Variants in LGR6 observed in about 807,000 individuals in gnomAD.
LGR6 encodes leucine rich repeat containing G protein-coupled receptor 6.
Under a neutral mutation model 69.4 loss-of-function variants are expected in LGR6, and 45 were observed. The ratio of observed to expected loss-of-function variants is 0.65; its 90% CI spans 0.51 to 0.83. LGR6 has a LOEUF of 0.83. Among genes scored for constraint, LGR6 ranks in the 40% least tolerant of loss-of-function variants. The pLI is 0.00. For synonymous variants in LGR6, 538 were observed against 555.0 expected (o/e 0.97, Z 0.43); for missense variants, 1,108 against 1,246.7 (o/e 0.89, Z 1.68).
intron 4 of LGR6, 179 bp from the exon 5 acceptor site, chr1:202,276,127 A>T: frequency 1.7e-6 from 1 of 585,198 alleles, no homozygotes; most frequent in Non-Finnish European, 3.1e-6. Flanking sequence ...ATGGGTTGGA[A>T]TGGAGCCAAA....
At chr1:202,262,506 T>G in intron 4 of LGR6, among the ~76,000 whole-genome samples, 1 of 151,708 alleles carries the variant, frequency 6.6e-6, no homozygotes, top group African/African-American at 2.4e-5. Flanking sequence ...GTAGTATAGT[T>G]TGAAGTCAGG....
intron 4 of LGR6, among the ~76,000 whole-genome samples, chr1:202,243,229 G>T (rs1352600390): frequency 2.6e-5 from 4 of 152,182 alleles, no homozygotes; most frequent in Non-Finnish European, 5.9e-5. Context: ...ACCTTGGGTT[G>T]TGAGCTCAGC....
At chr1:202,197,068 T>C (rs1159383148) in intron 1 of LGR6, 1 of 533,278 alleles carries the variant, frequency 1.9e-6, no homozygotes, top group Middle Eastern at 3.2e-4. Context: ...GAAGAAGCCA[T>C]AGACAGAACT....
chr1:202,221,544 G>A (rs181878186), intron 1 of LGR6, among the ~76,000 whole-genome samples: 1 of 152,294 alleles, frequency 6.6e-6, no homozygotes, highest in East Asian at 1.9e-4. Flanking sequence ...GTGTCCAGTT[G>A]AGAGGACTCA....
intron 4 of LGR6, among the ~76,000 whole-genome samples, chr1:202,269,869 C>T (rs888290184): frequency 2.0e-5 from 3 of 152,162 alleles, no homozygotes; most frequent in Admixed American, 6.5e-5. Flanking sequence ...ACTCAGGGAG[C>T]GGGTACTATG....
chr1:202,222,724 A>G (rs1230271008), intron 1 of LGR6, among the ~76,000 whole-genome samples: 2 of 152,164 alleles, frequency 1.3e-5, no homozygotes, highest in Non-Finnish European at 2.9e-5. Context: ...GACACTGTCC[A>G]GTGTGCTCCT....
intron 1 of LGR6, among the ~76,000 whole-genome samples, chr1:202,209,672 A>G (rs1659386736): frequency 6.6e-6 from 1 of 152,268 alleles, no homozygotes; most frequent in South Asian, 2.1e-4. Flanking sequence ...GGTTTATTCT[A>G]TGGATTCCCT....
chr1:202,237,184 C>A (rs1661643029), intron 4 of LGR6, among the ~76,000 whole-genome samples: 1 of 152,126 alleles, frequency 6.6e-6, no homozygotes, highest in South Asian at 2.1e-4. Context: ...TCAGCTTCTG[C>A]CCCCCCTTCC....
chr1:202,253,270 A>AC (rs1393176007), intron 4 of LGR6, among the ~76,000 whole-genome samples: 2 of 152,082 alleles, frequency 1.3e-5, no homozygotes, highest in Non-Finnish European at 2.9e-5. Context: ...AATGCCAGGT[A>AC]CATCCTGAGT....
At chr1:202,279,929 T>C (rs772424660) in intron 5 of LGR6, among the ~76,000 whole-genome samples, 6 of 152,240 alleles carry the variant, frequency 3.9e-5, no homozygotes, top group Admixed American at 6.5e-5. Flanking sequence ...CTTAAGAACA[T>C]TCATCTTTGA....
In LGR6 at chr1:202,215,347, G is replaced by A. The variant is rs77022419; in HGVS notation, c.213-10076G>A. 3.2e-3 allele frequency among the ~76,000 whole-genome samples: 483 copies of A among 152,254 alleles called. 2 individuals carry two copies. The highest frequency in any genetic ancestry group is 0.019 in the South Asian group (93 of 4,822). ...GTTCCTCTTCTGGTGGCCCTGGCTG[G>A]GAGCTCAGGGATTTCCATGCGAGGA... On this transcript the variant is annotated intron_variant, in intron 1 of 17. Transcript: ENST00000367278.
At chr1:202,211,347 G>A (rs544878694) in intron 1 of LGR6, among the ~76,000 whole-genome samples, 2 of 152,292 alleles carry the variant, frequency 1.3e-5, no homozygotes, top group South Asian at 4.1e-4. Flanking sequence ...TGAGGTTCAC[G>A]AAGACTTTCA....
chr1:202,273,180 T>C (rs1322350165), intron 4 of LGR6, among the ~76,000 whole-genome samples: 1 of 152,206 alleles, frequency 6.6e-6, no homozygotes, highest in Non-Finnish European at 1.5e-5. Context: ...CAGGACACGG[T>C]ACCTGGTATT....
chr1:202,310,249 A>G lies in LGR6; in HGVS notation c.1459A>G (p.Ser487Gly). The G allele has an allele frequency of 6.2e-7, 1 of 1,614,124 alleles. No homozygotes were observed. Among genetic ancestry groups the G allele is most frequent in the South Asian group, 1.1e-5 (1 of 91,078 alleles). ...YQCCPYGMCA[S>G]FFKASGQWEA... is the part of the protein sequence containing the mutation. Reference sequence around the variant, plus strand: ...GTGCTGTCCCTATGGGATGTGTGCCAGCTTCTTCAAGGCCTCTGGGCAGTG... The same window carrying G: ...GTGCTGTCCCTATGGGATGTGTGCCGGCTTCTTCAAGGCCTCTGGGCAGTG... Residue 487 changes from serine (S) to glycine (G), a missense_variant, in exon 16 of 18, where the codon AGC (serine) becomes GGC (glycine). Transcript: ENST00000367278.
chr1:202,204,459 A>AC (rs749421644), intron 1 of LGR6, among the ~76,000 whole-genome samples: 1 of 50,372 alleles, frequency 2.0e-5, no homozygotes, highest in Non-Finnish European at 3.7e-5. Flanking sequence ...ACACACACAC[A>AC]CCTCCACACA....
intron 1 of LGR6, 57 bp downstream of exon 1, chr1:202,194,258 T>C: frequency 7.6e-7 from 1 of 1,310,878 alleles, no homozygotes; most frequent in Non-Finnish European, 1.0e-6. Flanking sequence ...TAGCGCCCAG[T>C]CCCGGCCTCA....
Position 202,194,010 on chromosome 1 carries a change from C to T in LGR6, c.21C>T (p.Leu7=). The T allele has an allele frequency of 7.2e-7, 1 of 1,381,952 alleles. No homozygotes were observed. The highest frequency in any genetic ancestry group is 9.3e-7 in the Non-Finnish European group (1 of 1,070,896). The allele number at this position is 1,381,952 out of a possible 1,614,324, so 85.6% of individuals were successfully genotyped here. The change falls in exon 1 of 18, where the codon CTC becomes CTT. Residue 7 remains leucine (L), a synonymous_variant. Transcript: ENST00000367278. ...CCGAGATGCCCAGCCCGCCGGGGCT[C>T]CGGGCGCTATGGCTTTGCGCCGCGC... MPSPPG[L]RALWLCAALC... is the part of the protein sequence containing the mutation.
chr1:202,248,456 G>A (rs1481184915), intron 4 of LGR6, among the ~76,000 whole-genome samples: 1 of 152,130 alleles, frequency 6.6e-6, no homozygotes, highest in African/African-American at 2.4e-5. Context: ...CCATCCGGGG[G>A]ACTCTCGCCA....
At chr1:202,225,289 T>G in intron 1 of LGR6, 134 bp from the exon 2 acceptor site, 1 of 760,972 alleles carries the variant, frequency 1.3e-6, no homozygotes, top group Non-Finnish European at 2.4e-6. Context: ...TCAGACTGGC[T>G]TTGGAGTCAG....
Sources: gnomAD v4.1 joint callset for allele counts (sites outside exome capture counted in the v4.1 genomes callset) on GRCh38, gnomAD v4.1.1 for gene constraint, MANE v1.5 for transcripts, NCBI Gene and HGNC (gene_info 2026-07-23, HGNC 2026-07-21) for gene names.